Variants in NSUN7 observed in about 807,000 individuals in gnomAD.
NSUN7 encodes the protein NOP2/Sun RNA methyltransferase family member 7.
NSUN7 carries 39 observed loss-of-function variants against 58.5 expected under a neutral mutation model. That is an observed-to-expected ratio of 0.67 (90% CI 0.52 to 0.87). The LOEUF (loss-of-function observed/expected upper bound fraction) is 0.87, where lower values mean the gene tolerates loss of function less well. NSUN7 is among the 40% of genes least tolerant of loss of function. The probability of loss-of-function intolerance (pLI) is 0.00; values close to 1 mark genes in which losing one functional copy is unlikely to be tolerated. For missense variants in NSUN7, 765 were observed against 844.1 expected (o/e 0.91, Z 1.16); for synonymous variants, 278 against 303.7 (o/e 0.92, Z 0.88).
chr4:40,789,846 A>C (rs1400269009), intron 7 of NSUN7, among the ~76,000 whole-genome samples: 1 of 152,164 alleles, frequency 6.6e-6, no homozygotes, highest in Non-Finnish European at 1.5e-5. Flanking sequence ...GGCCATATCA[A>C]GAGTGATTCT....
chr4:40,762,054 T>G (rs2154286842), intron 4 of NSUN7, among the ~76,000 whole-genome samples: 1 of 152,314 alleles, frequency 6.6e-6, no homozygotes, highest in Admixed American at 6.5e-5. Context: ...AATGCTATTA[T>G]AAAAAGGGCT....
At chr4:40,807,541 G>C (rs1743861141) in intron 11 of NSUN7, among the ~76,000 whole-genome samples, 1 of 151,778 alleles carries the variant, frequency 6.6e-6, no homozygotes. Context: ...GTAGAGACGG[G>C]GTTTCACCAT....
chr4:40,781,938 T>G (rs1305827711), intron 7 of NSUN7, among the ~76,000 whole-genome samples: 1 of 152,178 alleles, frequency 6.6e-6, no homozygotes, highest in Non-Finnish European at 1.5e-5. Context: ...ATGAAAGGTT[T>G]AATTCATCAG....
At chr4:40,764,754 T>G (rs1014800266) in intron 4 of NSUN7, among the ~76,000 whole-genome samples, 7 of 151,962 alleles carry the variant, frequency 4.6e-5, no homozygotes, top group African/African-American at 1.7e-4. Context: ...GTTTCCTGAC[T>G]TTTTAATGAT....
At chr4:40,798,997 T>C in intron 10 of NSUN7, 93 bp downstream of exon 10, 1 of 512,526 alleles carries the variant, frequency 2.0e-6, no homozygotes, top group African/African-American at 2.0e-5. Context: ...ACATTCTACT[T>C]TTTAAAATTA....
chr4:40,774,829 A>T lies in NSUN7; in HGVS notation c.704A>T (p.His235Leu). The T allele has an allele frequency of 6.4e-7, 1 of 1,556,680 alleles. No homozygotes were observed. Among genetic ancestry groups the T allele is most frequent in the Non-Finnish European group, 8.9e-7 (1 of 1,129,578 alleles). ...RGYNKVKSVL[H>L]IDDKVFAVDQ... The stretch of plus-strand genomic sequence containing the variant: ...TATAATAAAGTCAAATCTGTATTGC[A>T]TATTGATGATAAAGTCTTTGCTGTG... Residue 235 changes from histidine to leucine, a missense_variant, in exon 6 of 12, where the codon CAT (histidine) becomes CTT (leucine). Transcript: ENST00000381782.
At chr4:40,790,147 C>T (rs1743014649) in intron 7 of NSUN7, among the ~76,000 whole-genome samples, 1 of 148,962 alleles carries the variant, frequency 6.7e-6, no homozygotes, top group South Asian at 2.2e-4. Flanking sequence ...AATATTGAGC[C>T]CTTGCTATAT....
intron 4 of NSUN7, among the ~76,000 whole-genome samples, chr4:40,766,231 C>T (rs1200467755): frequency 1.3e-5 from 2 of 151,694 alleles, no homozygotes; most frequent in Non-Finnish European, 2.9e-5. Flanking sequence ...TCATAGATAG[C>T]TCTTATTATT....
intron 4 of NSUN7, among the ~76,000 whole-genome samples, chr4:40,768,892 A>G (rs1490672780): frequency 6.6e-6 from 1 of 152,222 alleles, no homozygotes; most frequent in Non-Finnish European, 1.5e-5. Context: ...GTTGTGAGGC[A>G]GCAATTGGAA....
intron 4 of NSUN7, among the ~76,000 whole-genome samples, chr4:40,770,735 G>A (rs2154287399): frequency 6.6e-6 from 1 of 152,258 alleles, no homozygotes; most frequent in Non-Finnish European, 1.5e-5. Context: ...AGCCAAAAAA[G>A]AGTAATATCA....
intron 10 of NSUN7, among the ~76,000 whole-genome samples, chr4:40,802,758 C>T (rs946742642): frequency 2.0e-5 from 3 of 151,060 alleles, no homozygotes; most frequent in South Asian, 4.2e-4. Context: ...ACCTTTTACC[C>T]TGACACTTTG....
intron 7 of NSUN7, among the ~76,000 whole-genome samples, chr4:40,782,955 C>G (rs1468699060): frequency 6.6e-6 from 1 of 152,150 alleles, no homozygotes; most frequent in Non-Finnish European, 1.5e-5. Context: ...TTAAATTGAT[C>G]TACAGATTCA....
chr4:40,793,511 T>C (rs1350931896), intron 8 of NSUN7, among the ~76,000 whole-genome samples: 2 of 152,040 alleles, frequency 1.3e-5, no homozygotes, highest in African/African-American at 2.4e-5. Flanking sequence ...TAAAACTAAA[T>C]TGGGAAGAAA....
At chr4:40,788,737 C>T (rs11736648) in intron 7 of NSUN7, among the ~76,000 whole-genome samples, 43,892 of 152,076 alleles carry the variant, frequency 0.29, 6,722 homozygotes, top group Non-Finnish European at 0.33. Context: ...TAACCGTGCC[C>T]TCTTCTCAGA....
intron 2 of NSUN7, among the ~76,000 whole-genome samples, chr4:40,759,554 A>G (rs571930353): frequency 1.1e-3 from 172 of 152,306 alleles, no homozygotes; most frequent in African/African-American, 4.1e-3. Flanking sequence ...CAATGTCTTC[A>G]CTATTGAGTT....
chr4:40,799,112 A>C (rs1489094281), intron 10 of NSUN7, among the ~76,000 whole-genome samples: 1 of 107,230 alleles, frequency 9.3e-6, no homozygotes, highest in Non-Finnish European at 1.7e-5. Flanking sequence ...TAAAGATGGA[A>C]TCTTGCTCTG....
chr4:40,778,797 C>A (rs1410913948), intron 7 of NSUN7, among the ~76,000 whole-genome samples: 1 of 152,080 alleles, frequency 6.6e-6, no homozygotes, highest in Non-Finnish European at 1.5e-5. Context: ...AATACATATA[C>A]CATCAATGGA....
At chr4:40,760,809 G>A (rs1303593031) in intron 3 of NSUN7, among the ~76,000 whole-genome samples, 1 of 147,596 alleles carries the variant, frequency 6.8e-6, no homozygotes, top group East Asian at 2.0e-4. Flanking sequence ...GTTGCAGTGA[G>A]CTAGATTGCG....
chr4:40,802,313 G>C (rs775123462), intron 10 of NSUN7, among the ~76,000 whole-genome samples: 67 of 151,350 alleles, frequency 4.4e-4, no homozygotes, highest in Non-Finnish European at 1.3e-4. Flanking sequence ...CTGTAGTTTT[G>C]AGTGGGTTTC....
Sources: gnomAD v4.1 joint callset for allele counts (sites outside exome capture counted in the v4.1 genomes callset) on GRCh38, gnomAD v4.1.1 for gene constraint, MANE v1.5 for transcripts, NCBI Gene and HGNC (gene_info 2026-07-23, HGNC 2026-07-21) for gene names.